RABGAP1L: variants seen among roughly 807,000 people sequenced by gnomAD.
RABGAP1L encodes RAB GTPase activating protein 1 like.
RABGAP1L carries 63 observed loss-of-function variants against 137.7 expected under a neutral mutation model. That is an observed-to-expected ratio of 0.46 (90% CI 0.37 to 0.56). RABGAP1L has a LOEUF of 0.56. Ranked by LOEUF, RABGAP1L falls within the 20% of genes least tolerant of loss-of-function variation. The pLI, the probability that RABGAP1L is intolerant of heterozygous loss-of-function variation, is 0.00. For missense variants in RABGAP1L, 1,095 were observed against 1,244.0 expected (o/e 0.88, Z 1.80); for synonymous variants, 431 against 433.7 (o/e 0.99, Z 0.08).
At chr1:174,366,550 A>G (rs1336234919) in intron 11 of RABGAP1L, among the ~76,000 whole-genome samples, 2 of 152,054 alleles carry the variant, frequency 1.3e-5, no homozygotes, top group African/African-American at 2.4e-5. Flanking sequence ...TGGACAGATC[A>G]CTTGAGGTCA....
intron 14 of RABGAP1L, among the ~76,000 whole-genome samples, chr1:174,669,860 C>A (rs1677051802): frequency 6.6e-6 from 1 of 152,150 alleles, no homozygotes; most frequent in Non-Finnish European, 1.5e-5. Flanking sequence ...ATGCCAATCC[C>A]ATGCTGTTTG....
At position 174,938,213 on chromosome 1, in the gene RABGAP1L, A is replaced by C. The variant is rs117933413; in HGVS notation, c.2341-19244A>C. ...CACTACTTGAATTCAGGTGATTTGG[A>C]TAGCAATACTGTATGTCTGTAGATT... On this transcript the variant is annotated intron_variant, in intron 19 of 25. Transcript: ENST00000681986. Among the ~76,000 whole-genome samples, 22 of 152,326 alleles carry C rather than the reference A, an allele frequency of 1.4e-4. No individual in the cohort carries two copies. In the East Asian group the frequency reaches 4.0e-3, roughly 28 times the overall value.
At chr1:174,662,396 G>T (rs556050710) in intron 14 of RABGAP1L, among the ~76,000 whole-genome samples, 5 of 151,064 alleles carry the variant, frequency 3.3e-5, no homozygotes, top group Non-Finnish European at 5.9e-5. Flanking sequence ...GAGCCACCGC[G>T]CCTGGCCTGG....
At chr1:174,699,793 A>G (rs1679513045) in intron 16 of RABGAP1L, 143 bp downstream of exon 16, 2 of 753,352 alleles carry the variant, frequency 2.7e-6, no homozygotes, top group South Asian at 4.3e-5. Flanking sequence ...TCAGACCAAT[A>G]TCTACATTGG....
intron 19 of RABGAP1L, among the ~76,000 whole-genome samples, chr1:174,930,382 A>G (rs1229384836): frequency 6.6e-6 from 1 of 150,994 alleles, no homozygotes; most frequent in African/African-American, 2.4e-5. Flanking sequence ...GCTGGAGTAC[A>G]GTGTCAGATG....
chr1:174,447,890 G>GCCCCCCCCCCCCC (rs11321562), intron 13 of RABGAP1L, among the ~76,000 whole-genome samples: 7 of 69,560 alleles, frequency 1.0e-4, no homozygotes, highest in Admixed American at 1.6e-4. Context: ...ACCCCTTACC[G>GCCCCCCCCCCCCC]CCCCCCCCCC....
At chr1:174,727,785 A>T (rs759227441) in intron 17 of RABGAP1L, among the ~76,000 whole-genome samples, 2 of 152,232 alleles carry the variant, frequency 1.3e-5, no homozygotes, top group African/African-American at 4.8e-5. Context: ...TCACATTGTA[A>T]GCAATAATAT....
At chr1:174,651,203 T>A (rs982894295) in intron 14 of RABGAP1L, among the ~76,000 whole-genome samples, 1 of 151,542 alleles carries the variant, frequency 6.6e-6, no homozygotes, top group African/African-American at 2.4e-5. Context: ...TGAGAGACAG[T>A]TTGTTATAAT....
intron 14 of RABGAP1L, among the ~76,000 whole-genome samples, chr1:174,639,623 T>C (rs1345687904): frequency 6.6e-6 from 1 of 152,138 alleles, no homozygotes; most frequent in East Asian, 1.9e-4. Flanking sequence ...TGATACTAGA[T>C]ACTTTCTTCA....
chr1:174,423,872 A>G (rs998129542), intron 13 of RABGAP1L, among the ~76,000 whole-genome samples: 6 of 152,134 alleles, frequency 3.9e-5, no homozygotes, highest in Admixed American at 3.3e-4. Context: ...TTTGATTTAT[A>G]TATGACATCT....
intron 13 of RABGAP1L, among the ~76,000 whole-genome samples, chr1:174,590,526 G>T (rs1669543624): frequency 1.0e-5 from 1 of 96,842 alleles, no homozygotes. Flanking sequence ...ACAGTCCCCA[G>T]AGTGTGCTAT....
intron 19 of RABGAP1L, among the ~76,000 whole-genome samples, chr1:174,927,575 A>G (rs1321869957): frequency 2.0e-5 from 3 of 152,042 alleles, no homozygotes; most frequent in Non-Finnish European, 2.9e-5. Context: ...TGGTTTTGCT[A>G]TGTTGATCAG....
At chr1:174,727,386 C>T (rs1682072974) in intron 17 of RABGAP1L, among the ~76,000 whole-genome samples, 1 of 152,152 alleles carries the variant, frequency 6.6e-6, no homozygotes, top group Non-Finnish European at 1.5e-5. Context: ...AATGCTGATT[C>T]GGATTTTATT....
intron 19 of RABGAP1L, among the ~76,000 whole-genome samples, chr1:174,913,593 C>T (rs774559399): frequency 6.6e-6 from 1 of 152,182 alleles, no homozygotes; most frequent in African/African-American, 2.4e-5. Context: ...GAGAAAAGGG[C>T]AGTGCTTTCA....
chr1:174,869,236 G>A lies in RABGAP1L; in HGVS notation c.2340+57276G>A, dbSNP rs552377109. ...GTGGATGATGACATGGTTTGGCTCT[G>A]TGTCCCTGCCCAAATATCATCTCAA... On this transcript the variant is annotated intron_variant, in intron 19 of 25. Transcript: ENST00000681986. Among the ~76,000 whole-genome samples, 172 of 152,240 alleles carry A rather than the reference G, an allele frequency of 1.1e-3. 1 individual carries two copies. The highest frequency in any genetic ancestry group is 1.9e-3 in the Non-Finnish European group (129 of 68,016).
intron 5 of RABGAP1L, chr1:174,245,650 T>A (rs897420211): frequency 2.0e-5 from 3 of 151,882 alleles, no homozygotes; most frequent in Non-Finnish European, 4.4e-5. Flanking sequence ...TTTTATTTTT[T>A]TTTTTGAGGC....
chr1:174,711,792 C>T (rs1680544431), intron 17 of RABGAP1L, among the ~76,000 whole-genome samples: 3 of 152,350 alleles, frequency 2.0e-5, no homozygotes, highest in African/African-American at 7.2e-5. Context: ...AGTGTGGGCA[C>T]ATGGCATGGG....
intron 4 of RABGAP1L, among the ~76,000 whole-genome samples, chr1:174,234,195 A>C (rs201343997): frequency 1.9e-4 from 18 of 92,956 alleles, no homozygotes; most frequent in East Asian, 8.9e-4. Flanking sequence ...GGTTGTGAAA[A>C]TTTTCTTCCA....
intron 19 of RABGAP1L, among the ~76,000 whole-genome samples, chr1:174,928,560 A>C (rs1054964169): frequency 6.6e-6 from 1 of 152,110 alleles, no homozygotes; most frequent in Non-Finnish European, 1.5e-5. Flanking sequence ...AAGCCTTGTT[A>C]ACTGTTAATT....
Sources: gnomAD v4.1 joint callset for allele counts (sites outside exome capture counted in the v4.1 genomes callset) on GRCh38, gnomAD v4.1.1 for gene constraint, MANE v1.5 for transcripts, NCBI Gene and HGNC (gene_info 2026-07-23, HGNC 2026-07-21) for gene names.